The following TNIP2 variants were observed in gnomAD, a reference collection of about 807,000 sequenced individuals.
TNIP2 encodes the protein TNFAIP3 interacting protein 2, also known as TNFAIP3-interacting protein 2.
TNIP2 carries 30 observed loss-of-function variants against 43.7 expected under a neutral mutation model. The observed-to-expected ratio is 0.69, with a 90% CI of 0.51 to 0.93. The LOEUF is 0.93. TNIP2 is among the 40% of genes least tolerant of loss of function. TNIP2 has a pLI of 0.00. For missense variants in TNIP2, 599 were observed against 591.0 expected (o/e 1.01, Z -0.14); for synonymous variants, 260 against 254.6 (o/e 1.02, Z -0.20).
chr4:2,752,509 G>A (rs2109493258), intron 1 of TNIP2, among the ~76,000 whole-genome samples: 1 of 152,260 alleles, frequency 6.6e-6, no homozygotes, highest in Middle Eastern at 3.4e-3. Flanking sequence ...CACATTCTGA[G>A]CCTCAGCACT....
chr4:2,745,340 T>TGGCCAGA (rs1346217158), intron 3 of TNIP2, 106 bp downstream of exon 3: 35 of 832,692 alleles, frequency 4.2e-5, no homozygotes, highest in Non-Finnish European at 6.6e-5. Flanking sequence ...CAAGTCCTAG[T>TGGCCAGA]GGCCAGAGGG....
rs1245429933 is a variant in TNIP2 at position 2,756,167 on chromosome 4, G to C, written c.123C>G (p.Arg41=). ...LRRLQDQLAA[R]DALIARLRAR... ...CGCGGAGGCGAGCGATGAGGGCGTC[G>C]CGGGCAGCGAGCTGGTCCTGCAGGC... Residue 41 remains arginine (R), a synonymous_variant, in exon 1 of 6, where the codon CGC becomes CGG. Transcript: ENST00000315423. The C allele has an allele frequency of 7.4e-6, 11 of 1,477,792 alleles. No individual in the cohort carries two copies. The highest frequency in any genetic ancestry group is 4.8e-5 in the Admixed American group (2 of 41,878). 91.5% of individuals were successfully genotyped at this position (1,477,792 alleles called of 1,614,324 possible). A position where few individuals can be genotyped will look rare whatever the true frequency, so the allele number is the denominator to read the frequency against.
Position 2,744,405 on chromosome 4 carries a change from G to A in TNIP2, c.1008C>T (p.His336=). ...ELEEKVASLL[H]QVSWRQDSRE... is the part of the protein sequence containing the mutation. ...ACTCTACCTGTCTCCAGGACACCTG[G>A]TGCAGCAAAGAGGCGACCTTTTCCT... Residue 336 remains histidine (H), a synonymous_variant, in exon 5 of 6, where the codon CAC becomes CAT. Coordinates refer to ENST00000315423, the MANE Select transcript of TNIP2 (RefSeq NM_024309.4). This position sits in a 1 kb window ranked among gnomAD's most constrained non-coding sequence, Gnocchi z 5.1. 9 of 1,614,236 alleles carry A rather than the reference G, an allele frequency of 5.6e-6. No homozygotes were observed. The highest frequency in any genetic ancestry group is 5.9e-6 in the Non-Finnish European group (7 of 1,180,036).
rs1722251719 is a variant in TNIP2, at chr4:2,756,307, G to A, written c.-18C>T. 3 of 1,218,450 alleles carry A rather than the reference G, an allele frequency of 2.5e-6. No individual in the cohort carries two copies. The highest frequency in any genetic ancestry group is 3.1e-6 in the Non-Finnish European group (3 of 980,144). The allele number at this position is 1,218,450 out of a possible 1,614,324, so 75.5% of individuals were successfully genotyped here. ...CGGGACATGGCTGTAGGCCCGCCCG[G>A]GAGGCCGCGCGGCCGCCGGCAACTT... On this transcript the variant is annotated 5_prime_UTR_variant, in exon 1 of 6. Coordinates refer to ENST00000315423, the MANE Select transcript of TNIP2 (RefSeq NM_024309.4).
At position 2,747,941 on chromosome 4, in the gene TNIP2, A is replaced by G. The variant is rs769960625; in HGVS notation, c.281T>C (p.Ile94Thr). ...GAAEAQMRQE[I>T]ERLTERLEEK... is the part of the protein sequence containing the mutation. ...TTCTAGTCGCTCAGTCAGCCTCTCA[A>G]TTTCCTAAGTGGAAGATTTAAAAGC... Residue 94 changes from isoleucine to threonine, a missense_variant, in exon 2 of 6, where the codon ATT becomes ACT. Physicochemically the swap from Ile to Thr is moderately conservative, Grantham distance 89. Transcript: ENST00000315423. 2.5e-5 allele frequency: 40 copies of G among 1,610,374 alleles called. No homozygotes were observed. The highest frequency in any genetic ancestry group is 1.6e-4 in the East Asian group (7 of 44,860).
chr4:2,748,764 G>GA (rs1722023148), intron 1 of TNIP2, among the ~76,000 whole-genome samples: 1 of 151,028 alleles, frequency 6.6e-6, no homozygotes, highest in African/African-American at 2.5e-5. Flanking sequence ...AAAGTACTGG[G>GA]ATTATAGGCG....
rs902363258 is a variant in TNIP2, at chr4:2,748,051, G to A, written c.277-106C>T. 7 of 1,196,962 alleles carry A rather than the reference G, an allele frequency of 5.8e-6. No homozygotes were observed. The Admixed American group carries it at 6.9e-5, about 12-fold the overall frequency. 74.1% of individuals were successfully genotyped at this position (1,196,962 alleles called of 1,614,324 possible). On this transcript the variant is annotated intron_variant, in intron 1 of 5. Coordinates refer to ENST00000315423, the MANE Select transcript of TNIP2 (RefSeq NM_024309.4). The stretch of plus-strand genomic sequence containing the variant: ...ACCTGGCGTGGATGCCCCATCACCA[G>A]ACACAAACATACTCACTCAGAAGTT...
Position 2,744,532 on chromosome 4 carries a change from C to T in TNIP2, c.907-26G>A. The stretch of plus-strand genomic sequence containing the variant: ...CTGAAGAGAGGCGAGACACACATTT[C>T]TGCTCAAGGAAGGAGGAAGCGCCCC... On this transcript the variant is annotated intron_variant, in intron 4 of 5. Transcript: ENST00000315423. This position sits in a 1 kb window ranked among gnomAD's most constrained non-coding sequence, Gnocchi z 5.1. 6.2e-7 allele frequency: 1 copy of T among 1,614,070 alleles called. No individual in the cohort carries two copies. Among genetic ancestry groups the T allele is most frequent in the African/African-American group, 1.3e-5 (1 of 75,040 alleles).
rs1721799937 is a variant in TNIP2, at chr4:2,742,048, C to T, written c.*209G>A. ...CAGATGTTCCTGACCCCATCTCCAC[C>T]TCCAGCCTCCAGCCTCACTGGCAGT... On this transcript the variant is annotated 3_prime_UTR_variant, in exon 6 of 6. Coordinates refer to ENST00000315423, the MANE Select transcript of TNIP2 (RefSeq NM_024309.4). 1 of 426,308 alleles carries T rather than the reference C, an allele frequency of 2.3e-6. No individual in the cohort carries two copies. The highest frequency in any genetic ancestry group is 4.0e-6 in the Non-Finnish European group (1 of 250,038). The allele number at this position is 426,308 out of a possible 1,614,324, so 26.4% of individuals were successfully genotyped here.
Position 2,744,900 on chromosome 4 carries a change from C to T in TNIP2, c.703G>A (p.Asp235Asn), listed in dbSNP as rs772998020. Residue 235 changes from aspartate (D) to asparagine (N), a missense_variant, in exon 4 of 6, where the codon GAC becomes AAC. Asp to Asn is a conservative substitution (Grantham distance 23). Coordinates refer to ENST00000315423, the MANE Select transcript of TNIP2 (RefSeq NM_024309.4). This position sits in a 1 kb window ranked among gnomAD's most constrained non-coding sequence, Gnocchi z 5.1. The part of the protein sequence containing the change: ...AKWQRYNASR[D>N]EYVRGLHAQL... ...GCATGGAGCCCCCTCACGTATTCGT[C>T]CCTGCTGGCGTTGTAGCGCTGCCAC... The T allele has an allele frequency of 1.2e-6, 2 of 1,613,006 alleles. No homozygotes were observed. The highest frequency in any genetic ancestry group is 1.7e-6 in the Non-Finnish European group (2 of 1,179,242).
chr4:2,744,974 G>C lies in TNIP2; in HGVS notation c.658-29C>G, dbSNP rs1436569334. 15 of 1,583,070 alleles carry C rather than the reference G, an allele frequency of 9.5e-6. No homozygotes were observed. The highest frequency in any genetic ancestry group is 1.3e-5 in the Non-Finnish European group (15 of 1,160,306). On this transcript the variant is annotated intron_variant, in intron 3 of 5. Coordinates refer to ENST00000315423, the MANE Select transcript of TNIP2 (RefSeq NM_024309.4). This position sits in a 1 kb window ranked among gnomAD's most constrained non-coding sequence, Gnocchi z 5.1. ...AAGAGGTGGAGCCGGAAAGCTCACG[G>C]TGAAGGCAGCTGACAAAGCTGCTCA...
At chr4:2,742,576 G>C (rs1295800754) in intron 5 of TNIP2, 56 bp from the exon 6 acceptor site, 2 of 1,444,076 alleles carry the variant, frequency 1.4e-6, no homozygotes, top group African/African-American at 2.9e-5. Context: ...CACAAAGCCA[G>C]GTCTCAGGTT....
Position 2,747,835 on chromosome 4 carries a change from G to T in TNIP2, c.387C>A (p.Ser129Arg). 1 of 1,613,674 alleles carries T rather than the reference G, an allele frequency of 6.2e-7. No individual in the cohort carries two copies. The highest frequency in any genetic ancestry group is 8.5e-7 in the Non-Finnish European group (1 of 1,180,036). ...CCCGGGCGCGCTCCCCTTCTGCCATGCTCCTCCGTAGCAGGACGACTTCCT... is the reference window on the plus strand; with the variant it reads ...CCCGGGCGCGCTCCCCTTCTGCCATTCTCCTCCGTAGCAGGACGACTTCCT... The part of the protein sequence containing the change: ...REKEVVLLRR[S>R]MAEGERARAA... The change falls in exon 2 of 6, where the codon AGC (serine) becomes AGA (arginine). Residue 129 changes from serine to arginine, a missense_variant. Transcript: ENST00000315423.
In TNIP2 at chr4:2,742,149, G is replaced by A; in HGVS notation, c.*108C>T. ...AGAGTGCCCCGCAACTATTCTAGGG[G>A]CCTTGGCTCTCAGTAGAGCTCAACC... On this transcript the variant is annotated 3_prime_UTR_variant, in exon 6 of 6. Coordinates refer to ENST00000315423, the MANE Select transcript of TNIP2 (RefSeq NM_024309.4). 1.8e-6 allele frequency: 2 copies of A among 1,128,690 alleles called. No individual in the cohort carries two copies. The highest frequency in any genetic ancestry group is 2.3e-6 in the Non-Finnish European group (2 of 855,658). The allele number at this position is 1,128,690 out of a possible 1,614,324, so 69.9% of individuals were successfully genotyped here. A position where few individuals can be genotyped will look rare whatever the true frequency, so the allele number is the denominator to read the frequency against.
intron 2 of TNIP2, among the ~76,000 whole-genome samples, chr4:2,746,453 G>A (rs1721950401): frequency 6.6e-6 from 1 of 152,166 alleles, no homozygotes; most frequent in Non-Finnish European, 1.5e-5. Flanking sequence ...AAATGACACA[G>A]TGACTCAAAA....
At position 2,744,163 on chromosome 4, in the gene TNIP2, G is replaced by A. The variant is rs969407129; in HGVS notation, c.1026+224C>T. On this transcript the variant is annotated intron_variant, in intron 5 of 5. Transcript: ENST00000315423. This position sits in a 1 kb window ranked among gnomAD's most constrained non-coding sequence, Gnocchi z 5.1. ...ACAGCCACCTCTGCTAAGACAGGCC[G>A]CCATGCCAGCCTCCTCCATAACTAA... Among the ~76,000 whole-genome samples, 15 of 152,100 alleles carry A rather than the reference G, an allele frequency of 9.9e-5. No individual in the cohort carries two copies. The highest frequency in any genetic ancestry group is 2.9e-4 in the African/African-American group (12 of 41,396).
intron 1 of TNIP2, among the ~76,000 whole-genome samples, chr4:2,752,721 G>C (rs551342936): frequency 3.3e-5 from 5 of 152,296 alleles, no homozygotes; most frequent in Admixed American, 6.5e-5. Context: ...ATTGAACGTT[G>C]GGATGAGCAA....
intron 1 of TNIP2, among the ~76,000 whole-genome samples, chr4:2,754,063 C>G (rs1277354090): frequency 6.6e-6 from 1 of 152,136 alleles, no homozygotes; most frequent in Non-Finnish European, 1.5e-5. Flanking sequence ...CTATTTTATT[C>G]TTTATTTTTC....
intron 3 of TNIP2, 61 bp downstream of exon 3, chr4:2,745,385 A>T: frequency 7.8e-7 from 1 of 1,284,378 alleles, no homozygotes; most frequent in Non-Finnish European, 1.1e-6. Context: ...CAAGGAAAGA[A>T]CCCTCACTTA....
Sources: allele counts gnomAD v4.1 joint callset (sites outside exome capture counted in the v4.1 genomes callset), GRCh38; gene constraint gnomAD v4.1.1; non-coding constraint Gnocchi (gnomAD v3.1); transcripts MANE v1.5; gene names NCBI Gene and HGNC (gene_info 2026-07-23, HGNC 2026-07-21).